Variants in SGCZ observed in about 807,000 individuals in gnomAD.
SGCZ encodes sarcoglycan zeta.
A neutral mutation model predicts 41.3 loss-of-function variants in SGCZ; 40 were observed. The ratio of observed to expected loss-of-function variants is 0.97; its 90% confidence interval spans 0.75 to 1.26. The LOEUF (loss-of-function observed/expected upper bound fraction) is 1.26. Among genes scored for constraint, SGCZ ranks in the 50% most tolerant of loss-of-function variants. SGCZ has a pLI of 0.00. For missense variants in SGCZ, 552 were observed against 369.8 expected, an observed-to-expected ratio of 1.49 and a Z score of -4.04; for synonymous variants, 206 against 137.5, an observed-to-expected ratio of 1.50 and a Z score of -3.49.
chr8:14,533,527 T>C (rs537131078), intron 2 of SGCZ, among the ~76,000 whole-genome samples: 73 of 152,132 alleles, frequency 4.8e-4, no homozygotes, highest in African/African-American at 1.2e-3. Flanking sequence ...AAATAGAACA[T>C]TTAGATATAT....
intron 5 of SGCZ, among the ~76,000 whole-genome samples, chr8:14,140,812 A>T (rs1236097581): frequency 6.6e-6 from 1 of 152,138 alleles, no homozygotes; most frequent in Admixed American, 6.6e-5. Context: ...CAGAATTGGA[A>T]AAAAACTACT....
chr8:14,577,677 G>A (rs1804756745), intron 1 of SGCZ, among the ~76,000 whole-genome samples: 1 of 151,936 alleles, frequency 6.6e-6, no homozygotes, highest in Admixed American at 6.6e-5. Flanking sequence ...CGTGAGCCAC[G>A]GCGCCTGGCC....
At chr8:14,784,181 G>T (rs2130444906) in intron 1 of SGCZ, among the ~76,000 whole-genome samples, 1 of 151,228 alleles carries the variant, frequency 6.6e-6, no homozygotes, top group East Asian at 2.0e-4. Flanking sequence ...CTCCCTAGTA[G>T]CAGGGAACAC....
intron 3 of SGCZ, among the ~76,000 whole-genome samples, chr8:14,270,745 T>G (rs990449906): frequency 6.6e-6 from 1 of 152,116 alleles, no homozygotes; most frequent in African/African-American, 2.4e-5. Flanking sequence ...CTTATGAAAC[T>G]GCGGTATAGT....
At chr8:15,114,737 A>G (rs1168047862) in intron 1 of SGCZ, among the ~76,000 whole-genome samples, 4 of 151,598 alleles carry the variant, frequency 2.6e-5, no homozygotes, top group Non-Finnish European at 5.9e-5. Flanking sequence ...TGGAATCGAG[A>G]TACAAGCGTT....
intron 1 of SGCZ, among the ~76,000 whole-genome samples, chr8:14,711,208 T>C (rs1405120076): frequency 6.6e-6 from 1 of 152,126 alleles, no homozygotes; most frequent in Non-Finnish European, 1.5e-5. Context: ...TATGTACAAA[T>C]GTAACACAAT....
chr8:14,768,546 A>T (rs929712120), intron 1 of SGCZ, among the ~76,000 whole-genome samples: 5 of 152,246 alleles, frequency 3.3e-5, no homozygotes, highest in African/African-American at 1.2e-4. Context: ...GGATGAAAGG[A>T]GTAATAATAA....
At chr8:14,359,609 A>G (rs1280242053) in intron 2 of SGCZ, among the ~76,000 whole-genome samples, 2 of 152,170 alleles carry the variant, frequency 1.3e-5, no homozygotes, top group Non-Finnish European at 1.5e-5. Context: ...TAGGAATTAA[A>G]CAATACACTC....
At chr8:15,083,118 G>A (rs1269831630) in intron 1 of SGCZ, among the ~76,000 whole-genome samples, 2 of 152,108 alleles carry the variant, frequency 1.3e-5, no homozygotes, top group East Asian at 3.9e-4. Flanking sequence ...AACACAAACA[G>A]AATAACACAA....
intron 1 of SGCZ, among the ~76,000 whole-genome samples, chr8:15,182,423 T>C (rs1800205682): frequency 6.6e-6 from 1 of 152,152 alleles, no homozygotes; most frequent in African/African-American, 2.4e-5. Flanking sequence ...TCCTACTACA[T>C]ACCAAAGAAT....
At chr8:15,126,818 T>C (rs1480122363) in intron 1 of SGCZ, among the ~76,000 whole-genome samples, 3 of 151,890 alleles carry the variant, frequency 2.0e-5, no homozygotes, top group Non-Finnish European at 4.4e-5. Context: ...AAGTGGGAGA[T>C]AATAGCCAAT....
At chr8:14,967,834 C>G (rs986891328) in intron 1 of SGCZ, among the ~76,000 whole-genome samples, 2 of 152,134 alleles carry the variant, frequency 1.3e-5, no homozygotes, top group African/African-American at 4.8e-5. Flanking sequence ...AAAAATTACT[C>G]TCTGCCTAAA....
Position 14,239,846 on chromosome 8 carries a change from G to A in SGCZ, c.337-2167C>T, listed in dbSNP as rs897857334. On this transcript the variant is annotated intron_variant, in intron 3 of 7. Coordinates refer to ENST00000382080, the MANE Select transcript of SGCZ (RefSeq NM_139167.4). ...GAACCCGGGAGGCGGAGCTTGCAGT[G>A]AGCCGAGATCCCACCACTGCACTCC... Among the ~76,000 whole-genome samples, 3 of 137,762 alleles carry A rather than the reference G, an allele frequency of 2.2e-5. No individual in the cohort carries two copies. The Admixed American group carries it at 2.2e-4, about 10-fold the overall frequency. 90.4% of individuals were successfully genotyped at this position (137,762 alleles called of 152,430 possible). A position where few individuals can be genotyped will look rare whatever the true frequency, so the allele number is the denominator to read the frequency against.
intron 1 of SGCZ, among the ~76,000 whole-genome samples, chr8:14,851,176 T>C (rs1803307226): frequency 6.6e-6 from 1 of 151,992 alleles, no homozygotes; most frequent in South Asian, 2.1e-4. Context: ...GAGGCCATCC[T>C]GGCTAACATA....
At chr8:14,243,108 C>T (rs927724564) in intron 3 of SGCZ, among the ~76,000 whole-genome samples, 3 of 152,170 alleles carry the variant, frequency 2.0e-5, no homozygotes, top group African/African-American at 7.2e-5. Context: ...TGTCATCTGC[C>T]TACACATTTT....
chr8:14,762,489 A>T (rs533583336), intron 1 of SGCZ, among the ~76,000 whole-genome samples: 1 of 152,342 alleles, frequency 6.6e-6, no homozygotes, highest in African/African-American at 2.4e-5. Flanking sequence ...TATGTGAAGT[A>T]ATTAGCACAG....
chr8:14,831,782 A>ATGTGTGTACACATACATG (rs1736064947), intron 1 of SGCZ, among the ~76,000 whole-genome samples: 1 of 18,872 alleles, frequency 5.3e-5, no homozygotes, highest in African/African-American at 1.1e-4. Context: ...ACACACACGT[A>ATGTGTGTACACATACATG]TATATGTGTG....
In SGCZ at chr8:15,167,388, G is replaced by T. The variant is rs749127527; in HGVS notation, c.39+70197C>A. The stretch of plus-strand genomic sequence containing the variant: ...TCCCTGTACAGGGTTCTTGACCTGT[G>T]GTCAGTAAAGACTGTCACTTTCTAA... On this transcript the variant is annotated intron_variant, in intron 1 of 7. Coordinates refer to ENST00000382080, the MANE Select transcript of SGCZ (RefSeq NM_139167.4). Among the ~76,000 whole-genome samples, 5 of 152,132 alleles carry T rather than the reference G, an allele frequency of 3.3e-5. No homozygotes were observed. The East Asian group carries it at 9.6e-4, about 29-fold the overall frequency.
intron 2 of SGCZ, among the ~76,000 whole-genome samples, chr8:14,442,534 A>G (rs980831605): frequency 1.3e-5 from 2 of 152,312 alleles, no homozygotes; most frequent in African/African-American, 2.4e-5. Context: ...CTTACTTGAC[A>G]GTACCTGACA....
Sources: allele counts gnomAD v4.1 joint callset (sites outside exome capture counted in the v4.1 genomes callset), GRCh38; gene constraint gnomAD v4.1.1; transcripts MANE v1.5; gene names NCBI Gene and HGNC (gene_info 2026-07-23, HGNC 2026-07-21).